TG: variants seen among roughly 807,000 people sequenced by gnomAD.
The protein encoded by TG is thyroglobulin.
Under a neutral mutation model 324.7 loss-of-function variants are expected in TG, and 270 were observed. The observed-to-expected ratio is 0.83, with a 90% confidence interval of 0.75 to 0.92. TG has a LOEUF of 0.92. Among genes scored for constraint, TG ranks in the 40% least tolerant of loss-of-function variants. The pLI, the probability that TG is intolerant of heterozygous loss-of-function variation, is 0.00. For missense variants in TG, 3,591 were observed against 3,456.4 expected, an observed-to-expected ratio of 1.04 and a Z score of -0.98; for synonymous variants, 1,401 against 1,327.0, an observed-to-expected ratio of 1.06 and a Z score of -1.21.
At chr8:132,901,192 G>A (rs1817872210) in intron 15 of TG, among the ~76,000 whole-genome samples, 161 bp from the exon 16 acceptor site, 1 of 152,256 alleles carries the variant, frequency 6.6e-6, no homozygotes, top group Non-Finnish European at 1.5e-5. Context: ...TGTTTGCCTT[G>A]TTGTCATTCA....
At chr8:132,961,186 C>T in intron 28 of TG, 113 bp downstream of exon 28, 1 of 1,088,036 alleles carries the variant, frequency 9.2e-7, no homozygotes, top group East Asian at 2.4e-5. Context: ...GGTAGAGAGT[C>T]ACTTTCCAAA....
chr8:133,118,801 G>A (rs1794965430), intron 45 of TG, among the ~76,000 whole-genome samples: 1 of 152,172 alleles, frequency 6.6e-6, no homozygotes, highest in South Asian at 2.1e-4. Context: ...CCAATCCCTG[G>A]AACCTGGAAC....
chr8:132,874,014 A>T (rs1171301008), intron 5 of TG, among the ~76,000 whole-genome samples: 1 of 152,108 alleles, frequency 6.6e-6, no homozygotes, highest in African/African-American at 2.4e-5. Context: ...ACTAAAAAAA[A>T]TACAAAAATT....
In TG at chr8:133,011,768, A is replaced by C; in HGVS notation, c.6263-133A>C. The C allele has an allele frequency of 3.8e-6, 4 of 1,051,338 alleles. No homozygotes were observed. The South Asian group carries it at 5.1e-5, about 13-fold the overall frequency. The allele number at this position is 1,051,338 out of a possible 1,614,324, so 65.1% of individuals were successfully genotyped here. ...GAATGGAAAGATGGATCAAGCTATA[A>C]GGTTGCACAGGAATGGAGACCAAGA... On this transcript the variant is annotated intron_variant, in intron 35 of 47. Transcript: ENST00000220616.
At chr8:132,894,633 A>G (rs1816844012) in intron 11 of TG, among the ~76,000 whole-genome samples, 1 of 152,094 alleles carries the variant, frequency 6.6e-6, no homozygotes, top group Non-Finnish European at 1.5e-5. Flanking sequence ...TAATATTTGC[A>G]CATTTTTAGT....
intron 39 of TG, 140 bp from the exon 40 acceptor site, chr8:133,021,851 A>G: frequency 1.0e-6 from 1 of 988,390 alleles, no homozygotes. Context: ...ATTTAGAGGG[A>G]CACAGCTCCA....
intron 5 of TG, among the ~76,000 whole-genome samples, chr8:132,879,913 G>T (rs1814411898): frequency 6.6e-6 from 1 of 152,218 alleles, no homozygotes; most frequent in Non-Finnish European, 1.5e-5. Context: ...AGGATGTTGA[G>T]GTGGGTCTCT....
chr8:132,886,873 T>G lies in TG; in HGVS notation c.1501T>G (p.Phe501Val). Residue 501 changes from phenylalanine to valine, a missense_variant, in exon 9 of 48, where the codon TTC becomes GTC. By Grantham distance (50) the Phe-to-Val change is conservative (BLOSUM62 -1). Coordinates refer to ENST00000220616, the MANE Select transcript of TG (RefSeq NM_003235.5). ...AGGCACATTTAACTTCAGTCAATTTTTCCAGCAACTTGGTCTTGCAAGCTT... is the reference window on the plus strand; with the variant it reads ...AGGCACATTTAACTTCAGTCAATTTGTCCAGCAACTTGGTCTTGCAAGCTT... Reference protein sequence around the residue: ...TRGTFNFSQFFQQLGLASFLN... With the variant: ...TRGTFNFSQFVQQLGLASFLN... 1 of 1,614,170 alleles carries G rather than the reference T, an allele frequency of 6.2e-7. No individual in the cohort carries two copies. Among genetic ancestry groups the G allele is most frequent in the South Asian group, 1.1e-5 (1 of 91,072 alleles).
intron 20 of TG, among the ~76,000 whole-genome samples, chr8:132,918,024 T>A (rs1003060108): frequency 6.6e-6 from 1 of 151,960 alleles, no homozygotes; most frequent in African/African-American, 2.4e-5. Context: ...TTGGTGGCAG[T>A]GGACCCAATG....
chr8:132,876,352 G>T (rs776094884), intron 5 of TG, among the ~76,000 whole-genome samples: 3 of 152,154 alleles, frequency 2.0e-5, no homozygotes, highest in Admixed American at 6.5e-5. Context: ...TCCTAGGTCT[G>T]GTTTCTGGAT....
chr8:133,044,275 T>C (rs547246811), intron 41 of TG, among the ~76,000 whole-genome samples: 1 of 152,168 alleles, frequency 6.6e-6, no homozygotes, highest in African/African-American at 2.4e-5. Flanking sequence ...AACTCAACTT[T>C]CTCTCTCTGG....
At chr8:132,903,044 G>T (rs996840596) in intron 16 of TG, among the ~76,000 whole-genome samples, 2 of 152,216 alleles carry the variant, frequency 1.3e-5, no homozygotes, top group African/African-American at 4.8e-5. Flanking sequence ...AGGTGGAGCA[G>T]CCAGGATTTA....
At chr8:133,028,186 G>A (rs557960602) in intron 40 of TG, among the ~76,000 whole-genome samples, 59 of 152,288 alleles carry the variant, frequency 3.9e-4, no homozygotes, top group African/African-American at 1.2e-3. Flanking sequence ...GGCTGTGGAC[G>A]TCACTTTTCA....
chr8:133,014,043 A>G (rs1834795505), intron 37 of TG, among the ~76,000 whole-genome samples: 2 of 152,238 alleles, frequency 1.3e-5, no homozygotes, highest in Non-Finnish European at 2.9e-5. Context: ...TTTGTAGTTT[A>G]GAGAGTTCTT....
rs1444750485 is a variant in TG, at chr8:133,030,013, C to T, written c.7229C>T (p.Ala2410Val). 1 of 1,614,098 alleles carries T rather than the reference C, an allele frequency of 6.2e-7. No homozygotes were observed. The highest frequency in any genetic ancestry group is 8.5e-7 in the Non-Finnish European group (1 of 1,180,050). Residue 2410 changes from alanine (A) to valine (V), a missense_variant, in exon 41 of 48, where the codon GCT becomes GTT. Physicochemically the swap from Ala to Val is moderately conservative, Grantham distance 64. Transcript: ENST00000220616. ...RATNSQLFRR[A>V]VLMGGSALSP... is the part of the protein sequence containing the mutation. Reference sequence around the variant, plus strand: ...ACCAACTCCCAACTTTTCCGGAGAGCTGTGCTGATGGTAAGTGGTGTGTGT... The same window carrying T: ...ACCAACTCCCAACTTTTCCGGAGAGTTGTGCTGATGGTAAGTGGTGTGTGT...
At chr8:132,925,553 T>TGTG (rs1311284398) in intron 22 of TG, among the ~76,000 whole-genome samples, 1 of 52,238 alleles carries the variant, frequency 1.9e-5, no homozygotes, top group African/African-American at 6.0e-5. Flanking sequence ...GTGTGTGTGT[T>TGTG]CTTGAATAAA....
intron 41 of TG, among the ~76,000 whole-genome samples, chr8:133,093,106 T>G (rs909143228): frequency 6.7e-5 from 10 of 149,450 alleles, no homozygotes; most frequent in African/African-American, 2.2e-4. Flanking sequence ...ATATTTTGAG[T>G]GTGTGTGTGT....
At chr8:132,989,696 C>T (rs530315414) in intron 35 of TG, among the ~76,000 whole-genome samples, 1 of 152,298 alleles carries the variant, frequency 6.6e-6, no homozygotes, top group African/African-American at 2.4e-5. Flanking sequence ...TGTGCCTTTG[C>T]CTGTGCCCGT....
intron 10 of TG, among the ~76,000 whole-genome samples, chr8:132,892,570 A>G (rs545255641): frequency 2.6e-5 from 4 of 152,352 alleles, no homozygotes; most frequent in Admixed American, 2.6e-4. Context: ...AGGCAAAACA[A>G]GGAACATTCC....
Sources: allele counts gnomAD v4.1 joint callset (sites outside exome capture counted in the v4.1 genomes callset), GRCh38; gene constraint gnomAD v4.1.1; transcripts MANE v1.5; gene names NCBI Gene and HGNC (gene_info 2026-07-23, HGNC 2026-07-21).